The following CHD4 variants were observed in gnomAD, a reference collection of about 807,000 sequenced individuals.
CHD4 encodes chromodomain helicase DNA binding protein 4, also known as ATP-dependent chromatin remodeler CHD4.
Under a neutral mutation model 235.5 loss-of-function variants are expected in CHD4, and 35 were observed. That is an observed-to-expected ratio of 0.15 (90% CI 0.11 to 0.20). The LOEUF (loss-of-function observed/expected upper bound fraction) is 0.20, where lower values mean the gene tolerates loss of function less well. Ranked by LOEUF, CHD4 falls within the 10% of genes least tolerant of loss-of-function variation. CHD4 has a pLI of 1.00. For synonymous variants in CHD4, 900 were observed against 850.2 expected (o/e 1.06, Z -1.02); for missense variants, 1,329 against 2,432.3 (o/e 0.55, Z 9.54).
chr12:6,577,994 C>T (rs906734879), intron 36 of CHD4, 35 bp downstream of exon 36: 16 of 1,611,622 alleles, frequency 9.9e-6, no homozygotes, highest in Non-Finnish European at 1.4e-5. Flanking sequence ...GAACCTTTCA[C>T]CAAAAGCCTC....
At chr12:6,596,273 C>T (rs931687431) in intron 12 of CHD4, 136 bp from the exon 13 acceptor site, 6 of 1,068,148 alleles carry the variant, frequency 5.6e-6, no homozygotes, top group South Asian at 1.6e-5. Context: ...AGAGCCTCTA[C>T]TGTACCAGTC....
chr12:6,581,577 A>G (rs1276875753), intron 31 of CHD4, 72 bp downstream of exon 31: 2 of 1,596,306 alleles, frequency 1.3e-6, no homozygotes, highest in African/African-American at 2.7e-5. Flanking sequence ...GTTAGAACTG[A>G]GCACAGGGGA....
In CHD4 at chr12:6,601,536, G is replaced by A. The variant is rs1948591327; in HGVS notation, c.558-6C>T. ...TTTTGGCAGCAATGAGGGGTCTGGT[G>A]GAGAAATGCACAAGAGCAGAGGGAA... On this transcript the variant is annotated splice_region_variant and splice_polypyrimidine_tract_variant and intron_variant, in intron 5 of 39. Transcript: ENST00000544040. 1.2e-6 allele frequency: 2 copies of A among 1,614,144 alleles called. No individual in the cohort carries two copies. Among genetic ancestry groups the A allele is most frequent in the African/African-American group, 2.7e-5 (2 of 75,044 alleles).
Position 6,587,402 on chromosome 12 carries a change from T to G in CHD4, c.3861A>C (p.Val1287=), listed in dbSNP as rs1324321311. The G allele has an allele frequency of 1.2e-6, 2 of 1,614,234 alleles. No homozygotes were observed. Among genetic ancestry groups the G allele is most frequent in the Non-Finnish European group, 1.7e-6 (2 of 1,180,036 alleles). Residue 1287 remains valine, a synonymous_variant, in exon 25 of 40, where the codon GTA becomes GTC. Transcript: ENST00000544040. ...LSSFKVAQYV[V]REEEMGEEEE... ...TACTCACCCCCATTTCTTCTTCCCG[T>G]ACCACATACTGGGCCACTTTGAATG...
In CHD4 at chr12:6,600,216, C is replaced by T; in HGVS notation, c.1242+1G>A. On this transcript the variant is annotated splice_donor_variant, in intron 9 of 39. Transcript: ENST00000544040. LOFTEE classifies it high-confidence loss of function. ...AGGGGCCACAATGGCCAGACACTCACGCAGTGTGGGCAGCTCCACTTGCCC... is the reference window on the plus strand; with the variant it reads ...AGGGGCCACAATGGCCAGACACTCATGCAGTGTGGGCAGCTCCACTTGCCC... 1 of 1,613,894 alleles carries T rather than the reference C, an allele frequency of 6.2e-7. No individual in the cohort carries two copies. The highest frequency in any genetic ancestry group is 2.2e-5 in the East Asian group (1 of 44,874).
At position 6,591,491 on chromosome 12, in the gene CHD4, C is replaced by T. The variant is rs1948399901; in HGVS notation, c.3315G>A (p.Arg1105=). Reference sequence around the variant, plus strand: ...CATTGAAGCGGTCAATGGCCTCTTGCCGCATGTTCCCAGTGATTCCACCAT... The same window carrying T: ...CATTGAAGCGGTCAATGGCCTCTTGTCGCATGTTCCCAGTGATTCCACCAT... ...RIDGGITGNM[R]QEAIDRFNAP... The change falls in exon 22 of 40, where the codon CGG becomes CGA. Residue 1105 remains arginine (R), a synonymous_variant. Transcript: ENST00000544040. The T allele has an allele frequency of 6.2e-7, 1 of 1,614,122 alleles. No individual in the cohort carries two copies. The highest frequency in any genetic ancestry group is 8.5e-7 in the Non-Finnish European group (1 of 1,179,984).
In CHD4 at chr12:6,578,350, CAAG is replaced by C. The variant is rs1948108543; in HGVS notation, c.5119+56_5119+58del. The C allele has an allele frequency of 5.1e-6, 8 of 1,583,536 alleles. No homozygotes were observed. The South Asian group carries it at 8.1e-5, about 16-fold the overall frequency. ...AAAGTCCCTGTACCGTGGTTTCTGA[CAAG>C]AACCCCAATTTCACATCAGATCCTT... On this transcript the variant is annotated intron_variant, in intron 35 of 39. Coordinates refer to ENST00000544040, the MANE Select transcript of CHD4 (RefSeq NM_001273.5).
In CHD4 at chr12:6,597,884, C is replaced by T. The variant is rs376667947; in HGVS notation, c.1892+10G>A. The T allele has an allele frequency of 6.1e-5, 99 of 1,613,746 alleles. No individual in the cohort carries two copies. Among genetic ancestry groups the T allele is most frequent in the Non-Finnish European group, 8.2e-5 (97 of 1,179,758 alleles). On this transcript the variant is annotated intron_variant, in intron 12 of 39. Transcript: ENST00000544040. ...GGAGACTGCCCGTCTCCCGTGTGCT[C>T]AGCTGGTACCTGTGGTTGAGGATTC... is the stretch of plus-strand genomic sequence containing the variant.
At position 6,596,257 on chromosome 12, in the gene CHD4, G is replaced by A. The variant is rs901603822; in HGVS notation, c.1893-120C>T. 1.8e-5 allele frequency: 23 copies of A among 1,257,162 alleles called. No homozygotes were observed. The African/African-American group carries it at 2.0e-4, about 11-fold the overall frequency. 77.9% of individuals were successfully genotyped at this position (1,257,162 alleles called of 1,614,324 possible). The stretch of plus-strand genomic sequence containing the variant: ...CCTCTAGGTATGCCACAGATCACAC[G>A]TTTTCAGAGCCTCTACTGTACCAGT... On this transcript the variant is annotated intron_variant, in intron 12 of 39. Coordinates refer to ENST00000544040, the MANE Select transcript of CHD4 (RefSeq NM_001273.5).
At position 6,570,612 on chromosome 12, in the gene CHD4, G is replaced by T; in HGVS notation, c.*64C>A. On this transcript the variant is annotated 3_prime_UTR_variant, in exon 40 of 40. Transcript: ENST00000544040. Reference sequence around the variant, plus strand: ...GGTCTCTCAGGCCCCCAGGGGAGAAGCTGGGACAAGAGAAAGTGAGGAAGG... The same window carrying T: ...GGTCTCTCAGGCCCCCAGGGGAGAATCTGGGACAAGAGAAAGTGAGGAAGG... 6.2e-7 allele frequency: 1 copy of T among 1,600,150 alleles called. No individual in the cohort carries two copies. Among genetic ancestry groups the T allele is most frequent in the Non-Finnish European group, 8.6e-7 (1 of 1,167,532 alleles).
intron 22 of CHD4, among the ~76,000 whole-genome samples, chr12:6,589,449 C>T (rs752326362): frequency 7.2e-5 from 11 of 152,190 alleles, no homozygotes; most frequent in Non-Finnish European, 1.3e-4. Flanking sequence ...ACATCATGTC[C>T]GTCCCCCAGT....
chr12:6,570,897 T>C lies in CHD4; in HGVS notation c.5693A>G (p.Asn1898Ser), dbSNP rs768790200. Reference sequence around the variant, plus strand: ...CTGTGGGGTAGGTTCGGGTGCCCGGTTTGCCAGGCGGCTGAGAATGTTACG... The same window carrying C: ...CTGTGGGGTAGGTTCGGGTGCCCGGCTTGCCAGGCGGCTGAGAATGTTACG... ...SERNILSRLANRAPEPTPQQV... is the reference protein window; with the variant it reads ...SERNILSRLASRAPEPTPQQV... Residue 1898 changes from asparagine (N) to serine (S), a missense_variant, in exon 39 of 40, where the codon AAC becomes AGC. Transcript: ENST00000544040. The C allele has an allele frequency of 6.2e-7, 1 of 1,614,136 alleles. No individual in the cohort carries two copies. The highest frequency in any genetic ancestry group is 8.5e-7 in the Non-Finnish European group (1 of 1,180,022).
intron 29 of CHD4, 100 bp downstream of exon 29, chr12:6,582,515 T>C (rs546314503): frequency 8.7e-6 from 13 of 1,489,790 alleles, no homozygotes; most frequent in East Asian, 6.8e-5. Context: ...ACAGAGAAAA[T>C]AGCCCACTTC....
chr12:6,598,104 G>C lies in CHD4; in HGVS notation c.1687-5C>G. On this transcript the variant is annotated splice_polypyrimidine_tract_variant and splice_region_variant and intron_variant, in intron 11 of 39. Coordinates refer to ENST00000544040, the MANE Select transcript of CHD4 (RefSeq NM_001273.5). ...CACCTGACAGTGCAGCTCCAGCTTT[G>C]AGCGGAAAGAGAAAATCAGCCACCA... 1 of 1,614,010 alleles carries C rather than the reference G, an allele frequency of 6.2e-7. No homozygotes were observed. The highest frequency in any genetic ancestry group is 8.5e-7 in the Non-Finnish European group (1 of 1,180,008).
intron 21 of CHD4, 32 bp from the exon 22 acceptor site, chr12:6,591,615 A>C (rs1176779313): frequency 6.2e-7 from 1 of 1,613,680 alleles, no homozygotes; most frequent in Non-Finnish European, 8.5e-7. Flanking sequence ...ATTATGGAAG[A>C]GTCAGATGGT....
chr12:6,599,320 C>CT (rs2136222241), intron 10 of CHD4, among the ~76,000 whole-genome samples: 1 of 151,830 alleles, frequency 6.6e-6, no homozygotes, highest in African/African-American at 2.4e-5. Flanking sequence ...ACCAGTACTC[C>CT]TAGCTACTCA....
At chr12:6,588,052 C>T in intron 23 of CHD4, 103 bp from the exon 24 acceptor site, 2 of 1,274,636 alleles carry the variant, frequency 1.6e-6, no homozygotes, top group East Asian at 2.3e-5. Flanking sequence ...GCAAGGTCCA[C>T]AGCCTACATT....
chr12:6,583,015 C>A lies in CHD4; in HGVS notation c.4147+12G>T. The A allele has an allele frequency of 6.3e-7, 1 of 1,585,202 alleles. No homozygotes were observed. On this transcript the variant is annotated intron_variant, in intron 27 of 39. Transcript: ENST00000544040. ...ACATTTAGAAAAGCAACAAAAAAAGCACAGCCCTCACCTTCTGAACGTTCA... is the reference window on the plus strand; with the variant it reads ...ACATTTAGAAAAGCAACAAAAAAAGAACAGCCCTCACCTTCTGAACGTTCA...
intron 14 of CHD4, among the ~76,000 whole-genome samples, chr12:6,595,100 C>T (rs1045279166): frequency 6.6e-6 from 1 of 152,032 alleles, no homozygotes; most frequent in Non-Finnish European, 1.5e-5. Flanking sequence ...GACAACACTT[C>T]TTCAATCATT....
Sources: gnomAD v4.1 joint callset for allele counts (sites outside exome capture counted in the v4.1 genomes callset) on GRCh38, gnomAD v4.1.1 for gene constraint, MANE v1.5 for transcripts, NCBI Gene and HGNC (gene_info 2026-07-23, HGNC 2026-07-21) for gene names.